The following MBD5 variants were observed in gnomAD, a reference collection of about 807,000 sequenced individuals.
The protein encoded by MBD5 is methyl-CpG binding domain protein 5, also known as methyl-CpG-binding domain protein 5.
Under a neutral mutation model 117.3 loss-of-function variants are expected in MBD5, and 13 were observed. The ratio of observed to expected loss-of-function variants is 0.11; its 90% CI spans 0.07 to 0.18. The LOEUF (loss-of-function observed/expected upper bound fraction) is 0.18. Ranked by LOEUF, MBD5 falls within the 10% of genes least tolerant of loss-of-function variation. The pLI, the probability that MBD5 is intolerant of heterozygous loss-of-function variation, is 1.00. For synonymous variants in MBD5, 727 were observed against 766.4 expected (o/e 0.95, Z 0.85); for missense variants, 1,879 against 2,093.8 (o/e 0.90, Z 2.00).
At chr2:148,268,013 G>GATGTC (rs1223972388) in intron 3 of MBD5, among the ~76,000 whole-genome samples, 3 of 144,744 alleles carry the variant, frequency 2.1e-5, no homozygotes, top group African/African-American at 7.7e-5. Flanking sequence ...GCACTGGTGT[G>GATGTC]ATCTCATCTC....
chr2:148,487,540 C>T (rs1043987138), intron 10 of MBD5, among the ~76,000 whole-genome samples: 3 of 151,536 alleles, frequency 2.0e-5, no homozygotes, highest in Admixed American at 6.6e-5. Flanking sequence ...AGTGCTCAAC[C>T]GTGTCACTGA....
At chr2:148,027,683 T>C (rs1446064610) in intron 1 of MBD5, 1 of 152,126 alleles carries the variant, frequency 6.6e-6, no homozygotes, top group East Asian at 1.9e-4. Flanking sequence ...TCCAAAATTC[T>C]AAATACTTCT....
At chr2:148,274,543 T>G (rs1701057231) in intron 3 of MBD5, among the ~76,000 whole-genome samples, 1 of 152,170 alleles carries the variant, frequency 6.6e-6, no homozygotes, top group South Asian at 2.1e-4. Context: ...CTAATACTCC[T>G]TCACAGTTAA....
chr2:148,099,960 G>GT (rs756706161), intron 1 of MBD5, among the ~76,000 whole-genome samples: 2 of 152,262 alleles, frequency 1.3e-5, no homozygotes. Flanking sequence ...GTAAATAAAA[G>GT]TCATGCCCTC....
chr2:148,374,282 T>G (rs2105383434), intron 4 of MBD5, among the ~76,000 whole-genome samples: 1 of 145,474 alleles, frequency 6.9e-6, no homozygotes, highest in Non-Finnish European at 1.5e-5. Context: ...CACACGAACA[T>G]GCATATGCCC....
At chr2:148,467,733 A>T (rs546248094) in intron 7 of MBD5, among the ~76,000 whole-genome samples, 1 of 152,194 alleles carries the variant, frequency 6.6e-6, no homozygotes, top group African/African-American at 2.4e-5. Context: ...GAATCCCATT[A>T]GACAGAAATC....
At chr2:148,215,136 C>T (rs558779112) in intron 2 of MBD5, among the ~76,000 whole-genome samples, 1 of 152,260 alleles carries the variant, frequency 6.6e-6, no homozygotes, top group Non-Finnish European at 1.5e-5. Context: ...CTAATCTCCT[C>T]GCTGTGGTAC....
chr2:148,457,268 T>A (rs1706913883), intron 4 of MBD5, among the ~76,000 whole-genome samples: 1 of 152,128 alleles, frequency 6.6e-6, no homozygotes, highest in Admixed American at 6.6e-5. Context: ...AAACCACAAG[T>A]CCCATTCATT....
At chr2:148,478,609 T>G (rs79265829) in intron 8 of MBD5, among the ~76,000 whole-genome samples, 1 of 152,116 alleles carries the variant, frequency 6.6e-6, no homozygotes, top group Non-Finnish European at 1.5e-5. Context: ...CACTGTCATT[T>G]CCTCATTGGA....
At chr2:148,301,118 A>G (rs944616817) in intron 3 of MBD5, among the ~76,000 whole-genome samples, 1 of 152,246 alleles carries the variant, frequency 6.6e-6, no homozygotes, top group Non-Finnish European at 1.5e-5. Flanking sequence ...CACTTCATTC[A>G]TAAGCCAATA....
intron 3 of MBD5, among the ~76,000 whole-genome samples, chr2:148,248,955 G>T (rs1053333610): frequency 6.6e-6 from 1 of 152,002 alleles, no homozygotes; most frequent in African/African-American, 2.4e-5. Context: ...TATCCGTTAA[G>T]AGGAAAATGA....
rs56740583 is a variant in MBD5 at position 148,424,177 on chromosome 2, C to CAA, written c.-556-33988_-556-33987dup. On this transcript the variant is annotated intron_variant, in intron 4 of 13. Transcript: ENST00000642680. The stretch of plus-strand genomic sequence containing the variant: ...TGGGCAACAGAGCAAGACTCTGTCT[C>CAA]AAAAAAAAAAAAAAAAAAAAAAAAA... Among the ~76,000 whole-genome samples the CAA allele has an allele frequency of 9.5e-4, 51 of 53,450 alleles. 16 individuals carry two copies. Among genetic ancestry groups the CAA allele is most frequent in the East Asian group, 2.7e-3 (2 of 754 alleles). 35.1% of individuals were successfully genotyped at this position (53,450 alleles called of 152,430 possible). A position where few individuals can be genotyped will look rare whatever the true frequency, so the allele number is the denominator to read the frequency against.
chr2:148,101,736 G>A (rs746223380), intron 1 of MBD5, among the ~76,000 whole-genome samples: 3 of 152,058 alleles, frequency 2.0e-5, no homozygotes, highest in Non-Finnish European at 4.4e-5. Flanking sequence ...GGTAATATAA[G>A]CAGAATATTA....
chr2:148,408,713 G>T (rs1705156588), intron 4 of MBD5, among the ~76,000 whole-genome samples: 1 of 152,002 alleles, frequency 6.6e-6, no homozygotes, highest in Non-Finnish European at 1.5e-5. Context: ...GTGATTGAAA[G>T]GAAATCTAAT....
intron 1 of MBD5, chr2:148,071,646 G>T (rs746810774): frequency 6.6e-6 from 1 of 152,136 alleles, no homozygotes; most frequent in Non-Finnish European, 1.5e-5. Context: ...ATCATTAAAA[G>T]AAAAGATATT....
intron 1 of MBD5, among the ~76,000 whole-genome samples, chr2:148,049,120 A>G (rs771423474): frequency 3.3e-5 from 5 of 152,172 alleles, no homozygotes; most frequent in Non-Finnish European, 7.4e-5. Flanking sequence ...GTTTCTGGTA[A>G]CATGTGATGG....
intron 1 of MBD5, among the ~76,000 whole-genome samples, chr2:148,059,643 C>G (rs915673432): frequency 2.6e-5 from 4 of 151,746 alleles, no homozygotes; most frequent in African/African-American, 9.7e-5. Flanking sequence ...GTCAGGAGAT[C>G]GAGACCATCC....
chr2:148,187,102 T>A (rs1698680202), intron 2 of MBD5, among the ~76,000 whole-genome samples: 1 of 151,706 alleles, frequency 6.6e-6, no homozygotes, highest in African/African-American at 2.4e-5. Flanking sequence ...GTGCCTATAG[T>A]CCTACCTACT....
chr2:148,501,925 T>A (rs1265928970), intron 11 of MBD5, among the ~76,000 whole-genome samples: 1 of 152,188 alleles, frequency 6.6e-6, no homozygotes, highest in Admixed American at 6.5e-5. Flanking sequence ...GGAAGGTAGG[T>A]ATTATTGTCC....
Sources: allele counts gnomAD v4.1 joint callset (sites outside exome capture counted in the v4.1 genomes callset), GRCh38; gene constraint gnomAD v4.1.1; transcripts MANE v1.5; gene names NCBI Gene and HGNC (gene_info 2026-07-23, HGNC 2026-07-21).